CUL9: variants seen among roughly 807,000 people sequenced by gnomAD.
CUL9 encodes the protein cullin 9.
Under a neutral mutation model 272.6 loss-of-function variants are expected in CUL9, and 79 were observed. That is an observed-to-expected ratio of 0.29 (90% CI 0.24 to 0.35). The LOEUF is 0.35. Among genes scored for constraint, CUL9 ranks in the 10% least tolerant of loss-of-function variants. CUL9 has a pLI of 1.00. For missense variants in CUL9, 2,532 were observed against 3,255.6 expected (o/e 0.78, Z 5.41); for synonymous variants, 1,186 against 1,286.5 (o/e 0.92, Z 1.67).
rs1232706601 is a variant in CUL9, at chr6:43,206,182, A to G, written c.4969A>G (p.Lys1657Glu). ...FHLFQLQRLD[K>E]LFLEQEDEEE... ...CCTCTTCCAGCTCCAGCGGCTCGAC[A>G]AGTTGTTCTTGGAGCAGGAAGATGA... is the stretch of plus-strand genomic sequence containing the variant. The change falls in exon 25 of 41, where the codon AAG (lysine) becomes GAG (glutamate). Residue 1657 changes from lysine to glutamate, a missense_variant. Around this residue, in one of 3 missense-constraint regions of CUL9, gnomAD observed 2,218 missense variants for 2,788.6 expected, o/e 0.80. Transcript: ENST00000252050. The surrounding 1 kb of genome is among the most constrained non-coding windows in gnomAD (Gnocchi z 4.8). 6.2e-7 allele frequency: 1 copy of G among 1,613,452 alleles called. No individual in the cohort carries two copies.
Position 43,203,128 on chromosome 6 carries a change from C to T in CUL9, c.3773C>T (p.Ala1258Val). The T allele has an allele frequency of 6.2e-7, 1 of 1,613,542 alleles. No individual in the cohort carries two copies. Among genetic ancestry groups the T allele is most frequent in the Non-Finnish European group, 8.5e-7 (1 of 1,180,036 alleles). Residue 1258 changes from alanine (A) to valine (V), a missense_variant, in exon 18 of 41, where the codon GCC becomes GTC. Ala to Val is a moderately conservative substitution (Grantham distance 64). Around this residue, in one of 3 missense-constraint regions of CUL9, gnomAD observed 2,218 missense variants for 2,788.6 expected, o/e 0.80. Transcript: ENST00000252050. This position sits in a 1 kb window ranked among gnomAD's most constrained non-coding sequence, Gnocchi z 5.0. The part of the protein sequence containing the change: ...ELNTVNVMPS[A>V]SRVILLENLN... The stretch of plus-strand genomic sequence containing the variant: ...TACCAGGTGAATGTGATGCCCTCTG[C>T]CAGCCGGGTGATCCTCTTGGAGAAC...
At chr6:43,211,259 T>TGTTA (rs1329253689) in intron 26 of CUL9, among the ~76,000 whole-genome samples, 3 of 152,200 alleles carry the variant, frequency 2.0e-5, no homozygotes, top group African/African-American at 7.2e-5. Flanking sequence ...AAAATACATC[T>TGTTA]GTTAGAAGTA....
intron 8 of CUL9, 160 bp downstream of exon 8, chr6:43,188,875 T>C: frequency 1.7e-6 from 1 of 588,830 alleles, no homozygotes; most frequent in South Asian, 2.2e-5. Context: ...TTTTAATGGC[T>C]CGTATTCTTG....
chr6:43,220,501 C>G lies in CUL9; in HGVS notation c.6325C>G (p.Leu2109Val). 3.1e-6 allele frequency: 5 copies of G among 1,614,142 alleles called. No homozygotes were observed. The highest frequency in any genetic ancestry group is 4.2e-6 in the Non-Finnish European group (5 of 1,180,002). The stretch of plus-strand genomic sequence containing the variant: ...CCTGACAACTCGGATCGAGCAGAAC[C>G]TTGTTTTGAATTGCACCTGCCCCAT... ...EYLTTRIEQN[L>V]VLNCTCPIAD... is the part of the protein sequence containing the mutation. Residue 2109 changes from leucine to valine, a missense_variant, in exon 32 of 41, where the codon CTT becomes GTT. Leu to Val is a conservative substitution (Grantham distance 32). Coordinates refer to ENST00000252050, the MANE Select transcript of CUL9 (RefSeq NM_015089.4). The surrounding 1 kb of genome is among the most constrained non-coding windows in gnomAD (Gnocchi z 4.9).
In CUL9 at chr6:43,213,070, C is replaced by G; in HGVS notation, c.5213-79C>G. The stretch of plus-strand genomic sequence containing the variant: ...TCCTCCCCATAGGGACTAGTAGGAG[C>G]AAAGCTTGACACCTCAACCCCTAAA... On this transcript the variant is annotated intron_variant, in intron 26 of 40. Coordinates refer to ENST00000252050, the MANE Select transcript of CUL9 (RefSeq NM_015089.4). The surrounding 1 kb of genome is among the most constrained non-coding windows in gnomAD (Gnocchi z 5.7). 1 of 1,520,426 alleles carries G rather than the reference C, an allele frequency of 6.6e-7. No homozygotes were observed. The highest frequency in any genetic ancestry group is 9.0e-7 in the Non-Finnish European group (1 of 1,115,184). 94.2% of individuals were successfully genotyped at this position (1,520,426 alleles called of 1,614,324 possible).
Position 43,184,736 on chromosome 6 carries a change from G to A in CUL9, c.426G>A (p.Val142=), listed in dbSNP as rs780143682. Reference sequence around the variant, plus strand: ...GGACCCCAAGCCTCACGGCCGCTGTGCTTCACACCATCCACGTGCTCAGTG... The same window carrying A: ...GGACCCCAAGCCTCACGGCCGCTGTACTTCACACCATCCACGTGCTCAGTG... ...ESGTPSLTAA[V]LHTIHVLSAY... The change falls in exon 2 of 41, where the codon GTG becomes GTA. Residue 142 remains valine (V), a synonymous_variant. Transcript: ENST00000252050. This position sits in a 1 kb window ranked among gnomAD's most constrained non-coding sequence, Gnocchi z 4.8. 2.5e-6 allele frequency: 4 copies of A among 1,614,222 alleles called. No homozygotes were observed. The highest frequency in any genetic ancestry group is 3.4e-6 in the Non-Finnish European group (4 of 1,180,050).
At chr6:43,190,552 T>C (rs1231999115) in intron 8 of CUL9, among the ~76,000 whole-genome samples, 1 of 152,018 alleles carries the variant, frequency 6.6e-6, no homozygotes, top group Non-Finnish European at 1.5e-5. Context: ...AGAAAAAAAA[T>C]CTGAAAGCCA....
At position 43,200,065 on chromosome 6, in the gene CUL9, G is replaced by T; in HGVS notation, c.3293G>T (p.Gly1098Val). The T allele has an allele frequency of 6.2e-7, 1 of 1,614,232 alleles. No individual in the cohort carries two copies. Among genetic ancestry groups the T allele is most frequent in the Non-Finnish European group, 8.5e-7 (1 of 1,180,042 alleles). The part of the protein sequence containing the change: ...LDKHSAQLLL[G>V]CELRDLVTEC... ...AAGCACTCAGCTCAGCTGCTGCTGG[G>T]CTGTGAGCTTCGGGACCTGGTGACA... The change falls in exon 14 of 41, where the codon GGC becomes GTC. Residue 1098 changes from glycine (G) to valine (V), a missense_variant. Transcript: ENST00000252050. This position sits in a 1 kb window ranked among gnomAD's most constrained non-coding sequence, Gnocchi z 4.0.
rs751010244 is a variant in CUL9, at chr6:43,204,509, G to C, written c.4309G>C (p.Gly1437Arg). 5.6e-6 allele frequency: 9 copies of C among 1,613,932 alleles called. No homozygotes were observed. In the African/African-American group the frequency reaches 1.2e-4, roughly 22 times the overall value. ...GCTGGTGCATGTGGAACCTCCTCCT[G>C]GGCCTTCTCCTGAGCCATCCACTCG... ...HLLVHVEPPP[G>R]PSPEPSTRPF... The change falls in exon 21 of 41, where the codon GGG (glycine) becomes CGG (arginine). Residue 1437 changes from glycine to arginine, a missense_variant. This residue lies in a region of CUL9 where 2,218 missense variants were observed against 2,788.6 expected (regional missense o/e 0.80). Coordinates refer to ENST00000252050, the MANE Select transcript of CUL9 (RefSeq NM_015089.4).
intron 4 of CUL9, 152 bp from the exon 5 acceptor site, chr6:43,186,808 C>A: frequency 1.1e-6 from 1 of 903,662 alleles, no homozygotes; most frequent in South Asian, 1.7e-5. Context: ...AAGCCTTTTG[C>A]CATATGGGGG....
intron 26 of CUL9, among the ~76,000 whole-genome samples, chr6:43,207,091 G>A (rs1361040254): frequency 1.3e-5 from 2 of 152,140 alleles, no homozygotes; most frequent in African/African-American, 4.8e-5. Flanking sequence ...TGATCCACCC[G>A]CCTCAGTGAG....
Position 43,204,458 on chromosome 6 carries a change from T to G in CUL9, c.4258T>G (p.Ser1420Ala). 1 of 1,614,114 alleles carries G rather than the reference T, an allele frequency of 6.2e-7. No individual in the cohort carries two copies. The highest frequency in any genetic ancestry group is 8.5e-7 in the Non-Finnish European group (1 of 1,180,018). ...CTTGAGTCGAGCAGCGTCCTTTGCT[T>G]CTCGAGTTCGTCGCCTTTGCCACTT... ...NPLSRAASFA[S>A]RVRRLCHLLV... Residue 1420 changes from serine to alanine, a missense_variant, in exon 21 of 41, where the codon TCT becomes GCT. Transcript: ENST00000252050.
chr6:43,184,596 G>T lies in CUL9; in HGVS notation c.286G>T (p.Val96Phe). Residue 96 changes from valine to phenylalanine, a missense_variant, in exon 2 of 41, where the codon GTT becomes TTT. By Grantham distance (50) the Val-to-Phe change is conservative. This residue lies in a region of CUL9 where 2,218 missense variants were observed against 2,788.6 expected (regional missense o/e 0.80). Transcript: ENST00000252050. This position sits in a 1 kb window ranked among gnomAD's most constrained non-coding sequence, Gnocchi z 4.8. ...SKGLQHEPAG[V>F]SGSFPRDPGG... is the part of the protein sequence containing the mutation. ...GGGACTTCAGCACGAACCAGCTGGG[G>T]TTTCAGGAAGCTTTCCTCGAGATCC... The T allele has an allele frequency of 3.1e-6, 5 of 1,612,816 alleles. No individual in the cohort carries two copies. Among genetic ancestry groups the T allele is most frequent in the South Asian group, 2.2e-5 (2 of 91,002 alleles).
At position 43,196,188 on chromosome 6, in the gene CUL9, C is replaced by T; in HGVS notation, c.2508C>T (p.Asp836=). The T allele has an allele frequency of 6.2e-7, 1 of 1,614,212 alleles. No individual in the cohort carries two copies. ...CCAGAGAGATCTTCGCCAGCATCGA[C>T]TCAGCCACACGCCCGGGCTCTGAGA... ...QMTREIFASI[D]SATRPGSESL... The change falls in exon 10 of 41, where the codon GAC becomes GAT. Residue 836 remains aspartate (D), a synonymous_variant. Coordinates refer to ENST00000252050, the MANE Select transcript of CUL9 (RefSeq NM_015089.4).
Position 43,213,650 on chromosome 6 carries a change from A to C in CUL9, c.5489-63A>C. The C allele has an allele frequency of 1.2e-6, 2 of 1,602,352 alleles. No individual in the cohort carries two copies. The highest frequency in any genetic ancestry group is 1.1e-5 in the South Asian group (1 of 90,612). On this transcript the variant is annotated intron_variant, in intron 28 of 40. Coordinates refer to ENST00000252050, the MANE Select transcript of CUL9 (RefSeq NM_015089.4). This position sits in a 1 kb window ranked among gnomAD's most constrained non-coding sequence, Gnocchi z 5.7. ...ATGGGGGGACTGTGAGAATGGGGTC[A>C]TCTTAGTCCCCATTCATCTGTCCCT...
chr6:43,198,850 G>A lies in CUL9; in HGVS notation c.3045G>A (p.Val1015=). Residue 1015 remains valine (V), a synonymous_variant, in exon 12 of 41, where the codon GTG becomes GTA. Transcript: ENST00000252050. ...CCAACAAGACTCTGCTGCTGTCTGT[G>A]CTGAGGTGAGGGGCCTGTTGAGGCA... The part of the protein sequence containing the change: ...PGPNKTLLLS[V]LRVITRLLDF... The A allele has an allele frequency of 6.2e-7, 1 of 1,613,126 alleles. No individual in the cohort carries two copies. Among genetic ancestry groups the A allele is most frequent in the South Asian group, 1.1e-5 (1 of 91,080 alleles).
At chr6:43,190,923 T>C (rs1773404185) in intron 8 of CUL9, among the ~76,000 whole-genome samples, 1 of 152,178 alleles carries the variant, frequency 6.6e-6, no homozygotes, top group Non-Finnish European at 1.5e-5. Flanking sequence ...TTCTTTTAGA[T>C]CAGCATTTCC....
Position 43,221,453 on chromosome 6 carries a change from G to A in CUL9, c.6752+132G>A. ...TTCCTCAGCCGCCCCTCACGTGGCA[G>A]CCTCCACGGTGACTTCCTGGATCTT... On this transcript the variant is annotated intron_variant, in intron 34 of 40. Coordinates refer to ENST00000252050, the MANE Select transcript of CUL9 (RefSeq NM_015089.4). This position sits in a 1 kb window ranked among gnomAD's most constrained non-coding sequence, Gnocchi z 4.2. 9.0e-7 allele frequency: 1 copy of A among 1,108,640 alleles called. No homozygotes were observed. Among genetic ancestry groups the A allele is most frequent in the Non-Finnish European group, 1.3e-6 (1 of 792,156 alleles). The allele number at this position is 1,108,640 out of a possible 1,614,324, so 68.7% of individuals were successfully genotyped here.
Position 43,196,541 on chromosome 6 carries a change from T to C in CUL9, c.2586-104T>C, listed in dbSNP as rs536092408. On this transcript the variant is annotated intron_variant, in intron 10 of 40. Transcript: ENST00000252050. ...AGATGTCCTGGCTCAGAGGGCCCACTGGAGCCCTTTGCTCCCTAGCTGCCC... is the reference window on the plus strand; with the variant it reads ...AGATGTCCTGGCTCAGAGGGCCCACCGGAGCCCTTTGCTCCCTAGCTGCCC... 9 of 1,062,224 alleles carry C rather than the reference T, an allele frequency of 8.5e-6. No homozygotes were observed. In the South Asian group the frequency reaches 1.1e-4, roughly 13 times the overall value. 65.8% of individuals were successfully genotyped at this position (1,062,224 alleles called of 1,614,324 possible).
Sources: allele counts gnomAD v4.1 joint callset (sites outside exome capture counted in the v4.1 genomes callset), GRCh38; gene constraint gnomAD v4.1.1; regional missense constraint gnomAD v4.1.1; non-coding constraint Gnocchi (gnomAD v3.1); transcripts MANE v1.5; gene names NCBI Gene and HGNC (gene_info 2026-07-23, HGNC 2026-07-21).